The following INTS3 variants were observed in gnomAD, a reference collection of about 807,000 sequenced individuals.
The protein encoded by INTS3 is integrator complex subunit 3, also known as SOSS complex subunit A.
INTS3 carries 34 observed loss-of-function variants against 146.3 expected under a neutral mutation model. That is an observed-to-expected ratio of 0.23 (90% CI 0.18 to 0.31). The LOEUF (loss-of-function observed/expected upper bound fraction) is 0.31. INTS3 is among the 10% of genes least tolerant of loss of function. INTS3 has a pLI of 1.00. For missense variants in INTS3, 757 were observed against 1,304.2 expected (o/e 0.58, Z 6.46); for synonymous variants, 475 against 494.9 (o/e 0.96, Z 0.53).
At chr1:153,767,624 A>G in intron 20 of INTS3, 50 bp from the exon 21 acceptor site, 2 of 1,505,112 alleles carry the variant, frequency 1.3e-6, no homozygotes, top group Non-Finnish European at 8.9e-7. Flanking sequence ...GGATGCTTGA[A>G]GGTGGGCACT....
chr1:153,737,332 C>T (rs1234252780), intron 1 of INTS3, among the ~76,000 whole-genome samples: 4 of 152,316 alleles, frequency 2.6e-5, no homozygotes, highest in Admixed American at 1.3e-4. Context: ...GGTTCATTGA[C>T]TTACGAGTCG....
rs757782824 is a variant in INTS3 at position 153,771,874 on chromosome 1, G to GCAC, written c.2632_2634dup (p.His878dup). 1 of 1,614,064 alleles carries GCAC rather than the reference G, an allele frequency of 6.2e-7. No individual in the cohort carries two copies. The highest frequency in any genetic ancestry group is 1.7e-5 in the Admixed American group (1 of 60,024). Reference sequence around the variant, plus strand: ...ACCAGTTCACCACCAGCATCCTGCGGCACTGGTGCATGAAACATGACGAGC... The same window carrying GCAC: ...ACCAGTTCACCACCAGCATCCTGCGGCACCACTGGTGCATGAAACATGACGAGC... On this transcript the variant is annotated inframe_insertion, in exon 26 of 30. Transcript: ENST00000318967.
chr1:153,763,407 GCTCT>G (rs1298862062), intron 16 of INTS3, 45 bp downstream of exon 16: 11 of 1,609,302 alleles, frequency 6.8e-6, no homozygotes, highest in Non-Finnish European at 8.5e-6. Flanking sequence ...TCAGCCCCAG[GCTCT>G]CTACCTGGTG....
rs552377818 is a variant in INTS3, at chr1:153,771,072, G to A, written c.2552+339G>A. On this transcript the variant is annotated intron_variant, in intron 25 of 29. Transcript: ENST00000318967. Reference sequence around the variant, plus strand: ...CCGCCCCATGCTCCTGCTGGCCACCGCACAGCTAATCCAAGAGGAGGGAGG... The same window carrying A: ...CCGCCCCATGCTCCTGCTGGCCACCACACAGCTAATCCAAGAGGAGGGAGG... 8.5e-5 allele frequency among the ~76,000 whole-genome samples: 12 copies of A among 140,462 alleles called. No individual in the cohort carries two copies. In the East Asian group the frequency reaches 1.0e-3, roughly 12 times the overall value. 92.1% of individuals were successfully genotyped at this position (140,462 alleles called of 152,430 possible).
Position 153,742,510 on chromosome 1 carries a change from G to A in INTS3, c.318+1142G>A, listed in dbSNP as rs868428427. Among the ~76,000 whole-genome samples, 21 of 151,448 alleles carry A rather than the reference G, an allele frequency of 1.4e-4. No homozygotes were observed. The South Asian group carries it at 3.1e-3, about 23-fold the overall frequency. Reference sequence around the variant, plus strand: ...TGTGTGTGTGTGTGTGTGTGTGTGCGTGCGCATCATTGGCTGTGTGTGGGT... The same window carrying A: ...TGTGTGTGTGTGTGTGTGTGTGTGCATGCGCATCATTGGCTGTGTGTGGGT... On this transcript the variant is annotated intron_variant, in intron 3 of 29. Coordinates refer to ENST00000318967, the MANE Select transcript of INTS3 (RefSeq NM_023015.5).
intron 20 of INTS3, 26 bp from the exon 21 acceptor site, chr1:153,767,648 T>C: frequency 6.5e-7 from 1 of 1,544,888 alleles, no homozygotes; most frequent in Non-Finnish European, 8.8e-7. Flanking sequence ...GTCAGGCTGC[T>C]GGCTCAGGCC....
chr1:153,769,698 T>TC (rs1672740581), intron 22 of INTS3, 71 bp from the exon 23 acceptor site: 1 of 987,608 alleles, frequency 1.0e-6, no homozygotes, highest in South Asian at 1.3e-5. Context: ...CCCTCCTGCG[T>TC]CCCCCTCCAT....
intron 22 of INTS3, 138 bp downstream of exon 22, chr1:153,769,099 G>A (rs1170154494): frequency 1.6e-5 from 11 of 695,470 alleles, no homozygotes; most frequent in Non-Finnish European, 2.0e-5. Context: ...AGTGGTGTGC[G>A]CTTTCAGCCA....
intron 3 of INTS3, among the ~76,000 whole-genome samples, chr1:153,743,558 T>C (rs1038086757): frequency 6.6e-6 from 1 of 152,158 alleles, no homozygotes; most frequent in African/African-American, 2.4e-5. Context: ...CAGGTCAGTA[T>C]TGGGAAAGAG....
chr1:153,760,843 A>C lies in INTS3; in HGVS notation c.1334A>C (p.Tyr445Ser). The stretch of plus-strand genomic sequence containing the variant: ...CGCTTCCAGATCATTCCCAACTTCT[A>C]TCCACCATTGGAGGGCCACGTGCGG... ...DFMCRIIPNF[Y>S]PPLEGHVRQG... The change falls in exon 13 of 30, where the codon TAT becomes TCT. Residue 445 changes from tyrosine to serine, a missense_variant. Around this residue, in one of 8 missense-constraint regions of INTS3, gnomAD observed 97 missense variants for 113.6 expected, o/e 0.85. Transcript: ENST00000318967. 3.1e-6 allele frequency: 5 copies of C among 1,613,882 alleles called. No homozygotes were observed. The highest frequency in any genetic ancestry group is 4.2e-6 in the Non-Finnish European group (5 of 1,179,806).
chr1:153,732,681 C>T (rs1300202990), intron 1 of INTS3, among the ~76,000 whole-genome samples: 2 of 152,094 alleles, frequency 1.3e-5, no homozygotes, highest in African/African-American at 4.8e-5. Context: ...TTCCTGAACT[C>T]AGGTGATCCA....
rs774874092 is a variant in INTS3 at position 153,772,948 on chromosome 1, C to T, written c.2918C>T (p.Ala973Val). 1.4e-5 allele frequency: 23 copies of T among 1,613,962 alleles called. No homozygotes were observed. The highest frequency in any genetic ancestry group is 1.7e-5 in the Non-Finnish European group (20 of 1,180,024). Residue 973 changes from alanine (A) to valine (V), a missense_variant, in exon 29 of 30, where the codon GCG (alanine) becomes GTG (valine). Ala to Val is a moderately conservative substitution (Grantham distance 64). Transcript: ENST00000318967. This position sits in a 1 kb window ranked among gnomAD's most constrained non-coding sequence, Gnocchi z 4.6. ...AGATTCAGTGATCTCTTCTCCCTGG[C>T]GGAGGAATATGAGGACTCTTCCACC... ...KMKFSDLFSL[A>V]EEYEDSSTKP...
chr1:153,731,609 G>A (rs558958811), intron 1 of INTS3, among the ~76,000 whole-genome samples: 3 of 133,576 alleles, frequency 2.2e-5, no homozygotes, highest in Admixed American at 8.1e-5. Flanking sequence ...TTGAGATGGA[G>A]TCTCACTCTG....
chr1:153,753,939 G>A (rs181327279), intron 8 of INTS3: 2,431 of 149,604 alleles, frequency 0.016, 41 homozygotes, highest in Non-Finnish European at 0.021. Flanking sequence ...ACAGGCATGA[G>A]CCACCGCACC....
chr1:153,766,115 CTTTTTTTTTTTT>C (rs542483679), intron 20 of INTS3, among the ~76,000 whole-genome samples: 1 of 84,650 alleles, frequency 1.2e-5, no homozygotes, highest in African/African-American at 5.3e-5. Flanking sequence ...TTTTCTTTCT[CTTTTTTTTTTTT>C]TTTTTTTTTT....
intron 20 of INTS3, among the ~76,000 whole-genome samples, chr1:153,765,495 A>C (rs547945720): frequency 6.6e-6 from 1 of 151,752 alleles, no homozygotes; most frequent in Non-Finnish European, 1.5e-5. Context: ...ACGCCCAGTT[A>C]TTGGTTTTGG....
intron 1 of INTS3, among the ~76,000 whole-genome samples, chr1:153,738,024 A>G (rs774924619): frequency 3.4e-4 from 51 of 152,224 alleles, no homozygotes; most frequent in Non-Finnish European, 5.9e-4. Flanking sequence ...CAAATCCAAG[A>G]TATACAATTT....
chr1:153,760,282 G>A (rs1672333287), intron 11 of INTS3, 29 bp from the exon 12 acceptor site: 3 of 1,056,236 alleles, frequency 2.8e-6, no homozygotes, highest in Non-Finnish European at 1.5e-6. Context: ...TGACTGATGT[G>A]AGGGGCTCTT....
intron 9 of INTS3, among the ~76,000 whole-genome samples, chr1:153,755,973 G>C (rs552407336): frequency 7.9e-5 from 12 of 152,166 alleles, no homozygotes; most frequent in Admixed American, 7.2e-4. Context: ...CCAGGAGGCA[G>C]AGGTTGCGAT....
Sources: gnomAD v4.1 joint callset for allele counts (sites outside exome capture counted in the v4.1 genomes callset) on GRCh38, gnomAD v4.1.1 for gene constraint, gnomAD v4.1.1 regional missense constraint, Gnocchi (gnomAD v3.1) non-coding constraint, MANE v1.5 for transcripts, NCBI Gene and HGNC (gene_info 2026-07-23, HGNC 2026-07-21) for gene names.